Variants in TARBP1 observed in about 807,000 individuals in gnomAD.
TARBP1 encodes the protein tRNA guanosine 2 -O-methyltransferase TARBP1, also known as tRNA (guanosine(18)-2'-O)-methyltransferase TARBP1.
Under a neutral mutation model 178.6 loss-of-function variants are expected in TARBP1, and 144 were observed. The ratio of observed to expected loss-of-function variants is 0.81; its 90% CI spans 0.70 to 0.93. The LOEUF (loss-of-function observed/expected upper bound fraction) is 0.93. Among genes scored for constraint, TARBP1 ranks in the 40% least tolerant of loss-of-function variants. The pLI is 0.00. For missense variants in TARBP1, 2,067 were observed against 2,011.7 expected (o/e 1.03, Z -0.53); for synonymous variants, 787 against 781.0 (o/e 1.01, Z -0.13).
intron 22 of TARBP1, among the ~76,000 whole-genome samples, chr1:234,413,140 G>A (rs959541987): frequency 5.3e-5 from 8 of 152,160 alleles, no homozygotes; most frequent in African/African-American, 7.2e-5. Context: ...ACAAATATGT[G>A]AGCGAAGGAG....
At chr1:234,428,550 C>T (rs1005562451) in intron 17 of TARBP1, among the ~76,000 whole-genome samples, 6 of 146,652 alleles carry the variant, frequency 4.1e-5, no homozygotes, top group Admixed American at 2.7e-4. Context: ...GATTTCCCAA[C>T]TTTTTTTTTT....
intron 8 of TARBP1, among the ~76,000 whole-genome samples, 173 bp from the exon 9 acceptor site, chr1:234,457,929 ATAT>A (rs1667445086): frequency 6.6e-6 from 1 of 152,122 alleles, no homozygotes; most frequent in Admixed American, 6.5e-5. Context: ...TAAAAAGAAA[ATAT>A]TATTCAACTT....
intron 4 of TARBP1, among the ~76,000 whole-genome samples, chr1:234,466,567 A>AAGGAAG (rs113269220): frequency 4.4e-4 from 66 of 150,956 alleles, no homozygotes; most frequent in African/African-American, 1.4e-3. Context: ...TTCTTTTAAA[A>AAGGAAG]AAGAAGAAGA....
chr1:234,462,638 G>A (rs1285772168), intron 6 of TARBP1, among the ~76,000 whole-genome samples: 15 of 134,872 alleles, frequency 1.1e-4, no homozygotes, highest in Non-Finnish European at 2.0e-4. Flanking sequence ...GCAGTGAGCT[G>A]AGATCGCACC....
chr1:234,439,099 T>C (rs1665330787), intron 12 of TARBP1, among the ~76,000 whole-genome samples: 1 of 152,140 alleles, frequency 6.6e-6, no homozygotes, highest in East Asian at 1.9e-4. Context: ...CTGCAACAAA[T>C]GTGTTCCAAA....
intron 12 of TARBP1, among the ~76,000 whole-genome samples, chr1:234,443,643 A>T (rs1665830587): frequency 6.6e-6 from 1 of 152,212 alleles, no homozygotes; most frequent in African/African-American, 2.4e-5. Context: ...AGGGACTCAG[A>T]CATTTGTACA....
chr1:234,427,710 C>A lies in TARBP1; in HGVS notation c.3117G>T (p.Leu1039=). The A allele has an allele frequency of 1.3e-6, 2 of 1,539,372 alleles. No individual in the cohort carries two copies. The highest frequency in any genetic ancestry group is 1.7e-6 in the Non-Finnish European group (2 of 1,152,734). The change falls in exon 18 of 30, where the codon CTG becomes CTT. Residue 1039 remains leucine, a synonymous_variant. Coordinates refer to ENST00000040877, the MANE Select transcript of TARBP1 (RefSeq NM_005646.4). ...SAIKTGVFNT[L]ISYCCQSWIV... ...TCCAAGACTGACAGCAGTAACTTAT[C>A]AGTGTATTGAAGACTCCAGTCTTTA... is the stretch of plus-strand genomic sequence containing the variant.
At chr1:234,462,146 A>T (rs930355413) in intron 6 of TARBP1, among the ~76,000 whole-genome samples, 2 of 152,204 alleles carry the variant, frequency 1.3e-5, no homozygotes, top group African/African-American at 4.8e-5. Flanking sequence ...CTAACGCTTC[A>T]CTCATGACAC....
Position 234,459,276 on chromosome 1 carries a change from GC to G in TARBP1, c.1585del (p.Ala529GlnfsTer11), listed in dbSNP as rs1201955504. 1 of 1,613,252 alleles carries G rather than the reference GC, an allele frequency of 6.2e-7. No individual in the cohort carries two copies. The highest frequency in any genetic ancestry group is 2.2e-5 in the East Asian group (1 of 44,828). On this transcript the variant is annotated frameshift_variant, in exon 8 of 30. Coordinates refer to ENST00000040877, the MANE Select transcript of TARBP1 (RefSeq NM_005646.4). LOFTEE classifies it high-confidence loss of function. Reference protein sequence around the residue: ...MITHQILLRGAAQCYLLQTAM... With the variant: ...MITHQILLRGXAQCYLLQTAM... ...TGTTTGAAGAAGGTAGCATTGGGCT[GC>G]CCCTCTCAGGAGAATCTGATGTGTG...
At chr1:234,434,462 C>G (rs773519512) in intron 13 of TARBP1, among the ~76,000 whole-genome samples, 1 of 152,112 alleles carries the variant, frequency 6.6e-6, no homozygotes, top group Non-Finnish European at 1.5e-5. Context: ...CAAGACTGAA[C>G]AAAAGGGCAA....
chr1:234,462,524 A>G (rs2103267487), intron 6 of TARBP1, among the ~76,000 whole-genome samples: 1 of 152,262 alleles, frequency 6.6e-6, no homozygotes, highest in South Asian at 2.1e-4. Context: ...CCCTGTCTCT[A>G]CTAAGAATAC....
At position 234,400,384 on chromosome 1, in the gene TARBP1, T is replaced by C. The variant is rs139359717; in HGVS notation, c.4071+797A>G. 3.8e-4 allele frequency: 58 copies of C among 152,290 alleles called. 1 individual carries two copies. Among genetic ancestry groups the C allele is most frequent in the African/African-American group, 1.3e-3 (56 of 41,580 alleles). The allele number at this position is 152,290 out of a possible 1,614,324, so 9.4% of individuals were successfully genotyped here. On this transcript the variant is annotated intron_variant, in intron 25 of 29. Transcript: ENST00000040877. ...GAAAAATCCTAAATGATATTTGCAG[T>C]GAAGCAGCAGAAAATACACATTAGT...
chr1:234,463,886 T>C lies in TARBP1; in HGVS notation c.1350A>G (p.Leu450=), dbSNP rs546700898. 1.3e-6 allele frequency: 2 copies of C among 1,599,420 alleles called. No individual in the cohort carries two copies. The highest frequency in any genetic ancestry group is 1.7e-6 in the Non-Finnish European group (2 of 1,172,760). ...IGSCSPLGLK[L]QKFLVTYISL... ...AAATATAAGTGACTAAAAACTTCTG[T>C]AATTTCAGTCCCAATGGAGAACAGC... The change falls in exon 6 of 30, where the codon TTA becomes TTG. Residue 450 remains leucine (L), a synonymous_variant. Coordinates refer to ENST00000040877, the MANE Select transcript of TARBP1 (RefSeq NM_005646.4).
rs1669803289 is a variant in TARBP1, at chr1:234,478,547, T to G, written c.557A>C (p.Asp186Ala). 2 of 1,355,248 alleles carry G rather than the reference T, an allele frequency of 1.5e-6. No homozygotes were observed. Among genetic ancestry groups the G allele is most frequent in the Non-Finnish European group, 1.9e-6 (2 of 1,051,762 alleles). The allele number at this position is 1,355,248 out of a possible 1,614,324, so 84.0% of individuals were successfully genotyped here. A position where few individuals can be genotyped will look rare whatever the true frequency, so the allele number is the denominator to read the frequency against. The stretch of plus-strand genomic sequence containing the variant: ...TCGCCCGGCCACCAGCGCCGCCGCG[T>G]CCTCGGCAGGCCCGGCCTCATCCCC... Reference protein sequence around the residue: ...GDGDEAGPAEDAAALVAGRLL... With the variant: ...GDGDEAGPAEAAAALVAGRLL... Residue 186 changes from aspartate to alanine, a missense_variant, in exon 1 of 30, where the codon GAC (aspartate) becomes GCC (alanine). Coordinates refer to ENST00000040877, the MANE Select transcript of TARBP1 (RefSeq NM_005646.4).
At position 234,401,249 on chromosome 1, in the gene TARBP1, T is replaced by G. The variant is rs377053372; in HGVS notation, c.4003A>C (p.Asn1335His). The G allele has an allele frequency of 4.3e-6, 7 of 1,612,704 alleles. No homozygotes were observed. The highest frequency in any genetic ancestry group is 5.1e-6 in the Non-Finnish European group (6 of 1,179,264). Residue 1335 changes from asparagine (N) to histidine (H), a missense_variant, in exon 25 of 30, where the codon AAT (asparagine) becomes CAT (histidine). Transcript: ENST00000040877. ...SMHGAGNAKKNWQRIQEHFFF... is the reference protein window; with the variant it reads ...SMHGAGNAKKHWQRIQEHFFF... ...AAATGCTCCTGAATGCGTTGCCAAT[T>G]CTTCTTGGCATTCCTAAGGATTAAA...
intron 6 of TARBP1, among the ~76,000 whole-genome samples, chr1:234,462,455 C>T (rs1667949048): frequency 6.6e-6 from 1 of 152,078 alleles, no homozygotes; most frequent in Non-Finnish European, 1.5e-5. Flanking sequence ...TTTTGGGAGG[C>T]CGAGGTGGGC....
chr1:234,435,499 A>C lies in TARBP1; in HGVS notation c.2232+1776T>G, dbSNP rs190375638. On this transcript the variant is annotated intron_variant, in intron 13 of 29. Coordinates refer to ENST00000040877, the MANE Select transcript of TARBP1 (RefSeq NM_005646.4). ...ATTTATTTATTAAATAAATAAATAA[A>C]ATGAAGGATGCTTAAACCTGTTAAA... is the stretch of plus-strand genomic sequence containing the variant. 2.3e-3 allele frequency among the ~76,000 whole-genome samples: 354 copies of C among 152,302 alleles called. 2 individuals are homozygous for C. The highest frequency in any genetic ancestry group is 8.3e-3 in the African/African-American group (343 of 41,568).
rs779403009 is a variant in TARBP1 at position 234,448,502 on chromosome 1, C to T, written c.1939G>A (p.Glu647Lys). 6.2e-7 allele frequency: 1 copy of T among 1,613,982 alleles called. No homozygotes were observed. Among genetic ancestry groups the T allele is most frequent in the South Asian group, 1.1e-5 (1 of 91,078 alleles). Reference protein sequence around the residue: ...SLMVLLAVDVEGMKTQYSGKQ... With the variant: ...SLMVLLAVDVKGMKTQYSGKQ... ...TACCTATACTGAGTCTTCATTCCTT[C>T]CACATCCACAGCCAGCAAGACCATC... Residue 647 changes from glutamate to lysine, a missense_variant, in exon 11 of 30, where the codon GAA becomes AAA. Physicochemically the swap from Glu to Lys is moderately conservative, Grantham distance 56. Transcript: ENST00000040877.
chr1:234,444,379 T>C (rs1405840564), intron 12 of TARBP1, among the ~76,000 whole-genome samples: 1 of 152,184 alleles, frequency 6.6e-6, no homozygotes, highest in Non-Finnish European at 1.5e-5. Context: ...TATACAGTTA[T>C]TGCAGATTAA....
Sources: gnomAD v4.1 joint callset for allele counts (sites outside exome capture counted in the v4.1 genomes callset) on GRCh38, gnomAD v4.1.1 for gene constraint, MANE v1.5 for transcripts, NCBI Gene and HGNC (gene_info 2026-07-23, HGNC 2026-07-21) for gene names.